SOX5: variants seen among roughly 807,000 people sequenced by gnomAD.
SOX5 encodes transcription factor SOX-5.
SOX5 carries 9 observed loss-of-function variants against 92.0 expected under a neutral mutation model. The ratio of observed to expected loss-of-function variants is 0.10; its 90% confidence interval spans 0.06 to 0.17. The LOEUF is 0.17. Ranked by LOEUF, SOX5 falls within the 10% of genes least tolerant of loss-of-function variation. SOX5 has a pLI of 1.00. For synonymous variants in SOX5, 344 were observed against 336.3 expected (o/e 1.02, Z -0.25); for missense variants, 642 against 944.5 (o/e 0.68, Z 4.20).
chr12:23,720,296 G>T (rs1389439512), intron 6 of SOX5, among the ~76,000 whole-genome samples: 2 of 152,078 alleles, frequency 1.3e-5, no homozygotes, highest in Non-Finnish European at 1.5e-5. Context: ...TTTACGGTGG[G>T]AGAAAAAGTA....
At chr12:24,434,325 T>C (rs978192397) in intron 1 of SOX5, among the ~76,000 whole-genome samples, 1 of 152,178 alleles carries the variant, frequency 6.6e-6, no homozygotes, top group Non-Finnish European at 1.5e-5. Context: ...ACTGAATTTG[T>C]TTTGAGCTTT....
chr12:23,979,774 G>A (rs1387668072), intron 4 of SOX5, among the ~76,000 whole-genome samples: 3 of 120,144 alleles, frequency 2.5e-5, no homozygotes, highest in Non-Finnish European at 4.8e-5. Flanking sequence ...CTGGAGTGCA[G>A]TAGTGTGATC....
At chr12:23,878,237 C>T (rs187876225) in intron 2 of SOX5, among the ~76,000 whole-genome samples, 1 of 151,818 alleles carries the variant, frequency 6.6e-6, no homozygotes, top group African/African-American at 2.4e-5. Flanking sequence ...AATAGATCAA[C>T]CTTATTAACT....
chr12:24,143,147 T>C (rs888413057), intron 4 of SOX5, among the ~76,000 whole-genome samples: 2 of 152,166 alleles, frequency 1.3e-5, no homozygotes, highest in Non-Finnish European at 2.9e-5. Flanking sequence ...CTATTAATAC[T>C]TTGGTCCTAC....
At chr12:24,502,797 G>A (rs192048271) in intron 1 of SOX5, among the ~76,000 whole-genome samples, 1 of 152,298 alleles carries the variant, frequency 6.6e-6, no homozygotes, top group East Asian at 1.9e-4. Flanking sequence ...ATTACCAGTG[G>A]TAAAACGAAG....
chr12:24,429,648 A>C (rs1335890257), intron 1 of SOX5, among the ~76,000 whole-genome samples: 1 of 151,858 alleles, frequency 6.6e-6, no homozygotes, highest in Non-Finnish European at 1.5e-5. Context: ...ACACACACAC[A>C]CACCCCATGA....
chr12:23,874,945 G>A (rs924168014), intron 2 of SOX5, among the ~76,000 whole-genome samples: 2 of 152,190 alleles, frequency 1.3e-5, no homozygotes, highest in Non-Finnish European at 2.9e-5. Flanking sequence ...CTCACTTATA[G>A]CTCAAAAGAC....
At chr12:24,434,836 C>A (rs1939091667) in intron 1 of SOX5, among the ~76,000 whole-genome samples, 2 of 152,208 alleles carry the variant, frequency 1.3e-5, no homozygotes, top group African/African-American at 4.8e-5. Flanking sequence ...GCCTGCAGAA[C>A]CGTGAACCAA....
At chr12:23,574,260 T>C (rs1948793049) in intron 10 of SOX5, among the ~76,000 whole-genome samples, 1 of 152,148 alleles carries the variant, frequency 6.6e-6, no homozygotes, top group South Asian at 2.1e-4. Flanking sequence ...TGGAATAATT[T>C]CCATATCTAA....
chr12:24,561,507 C>CTTTTCATTT (rs1954335170), intron 1 of SOX5, among the ~76,000 whole-genome samples: 3 of 152,178 alleles, frequency 2.0e-5, no homozygotes, highest in African/African-American at 7.2e-5. Context: ...GATTTCAACT[C>CTTTTCATTT]GTATAACCTC....
At chr12:24,267,725 A>G (rs746940508) in intron 3 of SOX5, among the ~76,000 whole-genome samples, 20 of 152,314 alleles carry the variant, frequency 1.3e-4, no homozygotes, top group Non-Finnish European at 2.5e-4. Flanking sequence ...ATATTATGTT[A>G]AAGGCTTTTA....
Position 24,070,587 on chromosome 12 carries a change from A to T in SOX5, c.-2+142756T>A, listed in dbSNP as rs55777485. Among the ~76,000 whole-genome samples the T allele has an allele frequency of 6.5e-3, 937 of 144,630 alleles. 2 individuals are homozygous for T. The highest frequency in any genetic ancestry group is 0.015 in the South Asian group (67 of 4,526). The allele number at this position is 144,630 out of a possible 152,430, so 94.9% of individuals were successfully genotyped here. ...TTTTCATCTTTATTTATTGTTTTTT[A>T]AAAAAAAAAACTACTGTAAAGGACT... On this transcript the variant is annotated intron_variant, in intron 4 of 4. Coordinates refer to the SOX5 transcript ENST00000446891.
chr12:23,818,926 C>T (rs2096054102), intron 3 of SOX5, among the ~76,000 whole-genome samples: 1 of 152,160 alleles, frequency 6.6e-6, no homozygotes, highest in African/African-American at 2.4e-5. Flanking sequence ...TCTTCAGGGG[C>T]TATGAGACCC....
chr12:24,247,497 G>A (rs1201851119), intron 3 of SOX5, among the ~76,000 whole-genome samples: 1 of 152,064 alleles, frequency 6.6e-6, no homozygotes, highest in African/African-American at 2.4e-5. Context: ...GGGCCTTTGA[G>A]GACTAAAAGG....
At chr12:24,559,052 T>C (rs1954081447) in intron 1 of SOX5, among the ~76,000 whole-genome samples, 1 of 152,200 alleles carries the variant, frequency 6.6e-6, no homozygotes, top group Non-Finnish European at 1.5e-5. Flanking sequence ...AATTTACAAA[T>C]GGGTGTTTTA....
intron 1 of SOX5, among the ~76,000 whole-genome samples, chr12:24,390,227 T>G (rs551375533): frequency 6.6e-6 from 1 of 152,214 alleles, no homozygotes; most frequent in African/African-American, 2.4e-5. Context: ...CGTAACATTA[T>G]GTGAATTGAC....
intron 9 of SOX5, among the ~76,000 whole-genome samples, chr12:23,600,599 A>G (rs971095279): frequency 6.9e-6 from 1 of 144,362 alleles, no homozygotes; most frequent in Admixed American, 7.1e-5. Context: ...TTGAGAAAAG[A>G]AAAAGTAACT....
chr12:24,435,274 G>A (rs1939185752), intron 1 of SOX5, among the ~76,000 whole-genome samples: 1 of 152,222 alleles, frequency 6.6e-6, no homozygotes, highest in Non-Finnish European at 1.5e-5. Flanking sequence ...AGAGTAGAGT[G>A]ATGGGAAGAT....
At chr12:23,820,044 C>T (rs1164921517) in intron 3 of SOX5, among the ~76,000 whole-genome samples, 2 of 152,186 alleles carry the variant, frequency 1.3e-5, no homozygotes, top group East Asian at 1.9e-4. Context: ...TACACTCCCA[C>T]CAACAGTATA....
Sources: gnomAD v4.1 joint callset for allele counts (sites outside exome capture counted in the v4.1 genomes callset) on GRCh38, gnomAD v4.1.1 for gene constraint, MANE v1.5 for transcripts, NCBI Gene and HGNC (gene_info 2026-07-23, HGNC 2026-07-21) for gene names.